The following OSTM1 variants were observed in gnomAD, a reference collection of about 807,000 sequenced individuals.
OSTM1 encodes osteopetrosis-associated transmembrane protein 1.
OSTM1 carries 26 observed loss-of-function variants against 35.4 expected under a neutral mutation model. The observed-to-expected ratio is 0.73, with a 90% CI of 0.54 to 1.02. The LOEUF (loss-of-function observed/expected upper bound fraction) is 1.02. Ranked by LOEUF, OSTM1 falls within the 50% of genes least tolerant of loss-of-function variation. OSTM1 has a pLI of 0.00. For synonymous variants in OSTM1, 181 were observed against 165.0 expected (o/e 1.10, Z -0.75); for missense variants, 366 against 409.6 (o/e 0.89, Z 0.92).
chr6:108,059,686 T>C (rs1041482080), intron 2 of OSTM1, among the ~76,000 whole-genome samples: 9 of 152,200 alleles, frequency 5.9e-5, no homozygotes. Flanking sequence ...TAATAGCCCC[T>C]GTTATGGTCT....
chr6:108,062,687 T>C (rs1772303921), intron 2 of OSTM1, among the ~76,000 whole-genome samples: 1 of 151,826 alleles, frequency 6.6e-6, no homozygotes, highest in Non-Finnish European at 1.5e-5. Context: ...TGCCACCAAG[T>C]CCAGTTAATT....
chr6:108,065,626 C>T (rs1014019568), intron 1 of OSTM1, among the ~76,000 whole-genome samples: 3 of 152,128 alleles, frequency 2.0e-5, no homozygotes, highest in Non-Finnish European at 4.4e-5. Flanking sequence ...GACCCAACCT[C>T]GCTAAGGTTC....
intron 1 of OSTM1, among the ~76,000 whole-genome samples, chr6:108,070,890 CAAA>C (rs1338011470): frequency 3.7e-5 from 3 of 80,628 alleles, no homozygotes; most frequent in Non-Finnish European, 8.0e-5. Context: ...AACTCCGTCT[CAAA>C]AAAAAAAAAA....
chr6:108,072,267 T>C (rs1177609541), intron 1 of OSTM1, among the ~76,000 whole-genome samples: 1 of 152,202 alleles, frequency 6.6e-6, no homozygotes. Context: ...TAGTAAGATA[T>C]ATATTCCTTG....
At position 108,074,562 on chromosome 6, in the gene OSTM1, C is replaced by G. The variant is rs1302584921; in HGVS notation, c.90G>C (p.Leu30=). 8 of 1,559,734 alleles carry G rather than the reference C, an allele frequency of 5.1e-6. No homozygotes were observed. The highest frequency in any genetic ancestry group is 6.1e-6 in the Non-Finnish European group (7 of 1,155,326). The change falls in exon 1 of 6, where the codon CTG becomes CTC. Residue 30 remains leucine, a synonymous_variant. Transcript: ENST00000193322. ...LGLLLWSGLA[L]GALPFGSSPH... is the part of the protein sequence containing the mutation. ...GACTGCTGCCGAAGGGGAGCGCGCC[C>G]AGGGCCAGCCCCGACCACAGCAGCA... is the stretch of plus-strand genomic sequence containing the variant.
At chr6:108,063,740 A>C (rs1772329401) in intron 2 of OSTM1, among the ~76,000 whole-genome samples, 2 of 152,192 alleles carry the variant, frequency 1.3e-5, no homozygotes, top group South Asian at 4.1e-4. Flanking sequence ...TTATTATACT[A>C]AACAGTTAAC....
At chr6:108,048,994 GCCCACCTCATCCTC>G (rs1562369980) in intron 5 of OSTM1, among the ~76,000 whole-genome samples, 1 of 151,742 alleles carries the variant, frequency 6.6e-6, no homozygotes, top group Non-Finnish European at 1.5e-5. Context: ...CTCGTGATCC[GCCCACCTCATCCTC>G]CCAAAGTGCT....
At chr6:108,070,989 C>A (rs1694543255) in intron 1 of OSTM1, among the ~76,000 whole-genome samples, 1 of 149,682 alleles carries the variant, frequency 6.7e-6, no homozygotes, top group African/African-American at 2.5e-5. Flanking sequence ...GAGATTGAGA[C>A]CATCCTGGCT....
At chr6:108,055,414 G>C (rs1047018378) in intron 2 of OSTM1, among the ~76,000 whole-genome samples, 1 of 151,980 alleles carries the variant, frequency 6.6e-6, no homozygotes, top group Non-Finnish European at 1.5e-5. Flanking sequence ...ACTCCTGGGC[G>C]CAAGTGATGT....
At chr6:108,050,686 G>A (rs1772061496) in intron 4 of OSTM1, among the ~76,000 whole-genome samples, 2 of 151,978 alleles carry the variant, frequency 1.3e-5, no homozygotes, top group African/African-American at 2.4e-5. Flanking sequence ...TTAGCAACAA[G>A]TGCACAAGAA....
At position 108,049,383 on chromosome 6, in the gene OSTM1, G is replaced by A; in HGVS notation, c.819C>T (p.Phe273=). Residue 273 remains phenylalanine (F), a synonymous_variant, in exon 5 of 6, where the codon TTC becomes TTT. Coordinates refer to ENST00000193322, the MANE Select transcript of OSTM1 (RefSeq NM_014028.4). ...TGTCACTGCAAGGGACTGAACAGTT[G>A]AAAGTTCGACTCCATAGTTTTCGAG... ...NITRKLWSRT[F]NCSVPCSDTV... The A allele has an allele frequency of 6.2e-7, 1 of 1,613,812 alleles. No homozygotes were observed. The highest frequency in any genetic ancestry group is 8.5e-7 in the Non-Finnish European group (1 of 1,179,756).
chr6:108,074,715 C>T lies in OSTM1; in HGVS notation c.-64G>A. On this transcript the variant is annotated 5_prime_UTR_variant, in exon 1 of 6. Transcript: ENST00000193322. ...CTCCGCCCCCAGCCGGCACCGCGGA[C>T]AGCCGCCGCTTCCGGTTTCCGCGAG... is the stretch of plus-strand genomic sequence containing the variant. 7.0e-7 allele frequency: 1 copy of T among 1,430,446 alleles called. No individual in the cohort carries two copies. Among genetic ancestry groups the T allele is most frequent in the Non-Finnish European group, 9.1e-7 (1 of 1,097,616 alleles). 88.6% of individuals were successfully genotyped at this position (1,430,446 alleles called of 1,614,324 possible). A position where few individuals can be genotyped will look rare whatever the true frequency, so the allele number is the denominator to read the frequency against.
At chr6:108,070,459 C>T (rs1178616199) in intron 1 of OSTM1, among the ~76,000 whole-genome samples, 1 of 152,188 alleles carries the variant, frequency 6.6e-6, no homozygotes, top group African/African-American at 2.4e-5. Context: ...TTTCCCCTAA[C>T]TATACTGATA....
chr6:108,074,694 GC>G lies in OSTM1; in HGVS notation c.-44del. 6.7e-6 allele frequency: 10 copies of G among 1,484,932 alleles called. No homozygotes were observed. In the South Asian group the frequency reaches 1.3e-4, roughly 19 times the overall value. The allele number at this position is 1,484,932 out of a possible 1,614,324, so 92.0% of individuals were successfully genotyped here. ...CCAGGGAGCCCACCGCCGCCTCTCC[GC>G]CCCCAGCCGGCACCGCGGACAGCCG... On this transcript the variant is annotated 5_prime_UTR_variant, in exon 1 of 6. Transcript: ENST00000193322.
At chr6:108,053,852 T>C (rs886955813) in intron 3 of OSTM1, among the ~76,000 whole-genome samples, 2 of 152,210 alleles carry the variant, frequency 1.3e-5, no homozygotes, top group African/African-American at 2.4e-5. Flanking sequence ...ACCCTAAGCA[T>C]GTGTACATCT....
intron 2 of OSTM1, among the ~76,000 whole-genome samples, chr6:108,058,926 A>G (rs1214823586): frequency 1.3e-5 from 2 of 152,250 alleles, no homozygotes; most frequent in African/African-American, 4.8e-5. Context: ...TCGGGATTAC[A>G]CAGTGGTTCA....
chr6:108,054,964 T>G (rs145582547), intron 2 of OSTM1, among the ~76,000 whole-genome samples: 59 of 152,350 alleles, frequency 3.9e-4, no homozygotes, highest in Admixed American at 7.2e-4. Context: ...TGCCTTATCA[T>G]TTTTTGTGTC....
At position 108,074,337 on chromosome 6, in the gene OSTM1, G is replaced by T; in HGVS notation, c.315C>A (p.Ser105Arg). 3 of 1,609,946 alleles carry T rather than the reference G, an allele frequency of 1.9e-6. No homozygotes were observed. Among genetic ancestry groups the T allele is most frequent in the Non-Finnish European group, 2.5e-6 (3 of 1,178,946 alleles). The change falls in exon 1 of 6, where the codon AGC (serine) becomes AGA (arginine). Residue 105 changes from serine to arginine, a missense_variant. Physicochemically the swap from Ser to Arg is moderately radical, Grantham distance 110. Around this residue, in one of 3 missense-constraint regions of OSTM1, gnomAD observed 236 missense variants for 239.3 expected, o/e 0.99. Coordinates refer to ENST00000193322, the MANE Select transcript of OSTM1 (RefSeq NM_014028.4). ...TCTGACAGAGGCGCACGGGCCGGGC[G>T]CTGCGCACCAGACACCCTGTCAGCT... ...SAELTGCLVRSARPVRLCQTC... is the reference protein window; with the variant it reads ...SAELTGCLVRRARPVRLCQTC...
Position 108,074,735 on chromosome 6 carries a change from C to T in OSTM1, c.-84G>A. 1.4e-6 allele frequency: 2 copies of T among 1,387,776 alleles called. No individual in the cohort carries two copies. The highest frequency in any genetic ancestry group is 1.5e-5 in the South Asian group (1 of 65,670). 86.0% of individuals were successfully genotyped at this position (1,387,776 alleles called of 1,614,324 possible). On this transcript the variant is annotated 5_prime_UTR_variant, in exon 1 of 6. Transcript: ENST00000193322. The stretch of plus-strand genomic sequence containing the variant: ...GCGGACAGCCGCCGCTTCCGGTTTC[C>T]GCGAGCGCAGGCCGAGAGCCGGGTC...
Sources: gnomAD v4.1 joint callset for allele counts (sites outside exome capture counted in the v4.1 genomes callset) on GRCh38, gnomAD v4.1.1 for gene constraint, gnomAD v4.1.1 regional missense constraint, MANE v1.5 for transcripts, NCBI Gene and HGNC (gene_info 2026-07-23, HGNC 2026-07-21) for gene names.